PELI1: variants seen among roughly 807,000 people sequenced by gnomAD.
PELI1 encodes E3 ubiquitin-protein ligase pellino homolog 1.
In PELI1, 15 loss-of-function variants were observed where a neutral mutation model predicts 41.3. That is an observed-to-expected ratio of 0.36 (90% CI 0.24 to 0.56). PELI1 has a LOEUF of 0.56. PELI1 is among the 20% of genes least tolerant of loss of function. The pLI is 0.82. For missense variants in PELI1, 403 were observed against 525.5 expected (o/e 0.77, Z 2.28); for synonymous variants, 178 against 180.1 (o/e 0.99, Z 0.09).
chr2:64,133,742 AT>A (rs1681631199), intron 1 of PELI1, among the ~76,000 whole-genome samples: 1 of 152,104 alleles, frequency 6.6e-6, no homozygotes, highest in Non-Finnish European at 1.5e-5. Context: ...TATTTATTCA[AT>A]AAAAAATACA....
chr2:64,122,029 T>C (rs910831464), intron 1 of PELI1, among the ~76,000 whole-genome samples: 8 of 152,186 alleles, frequency 5.3e-5, no homozygotes, highest in Admixed American at 4.6e-4. Context: ...CTACATTTTT[T>C]AAAAAGACAA....
chr2:64,093,073 A>G lies in PELI1; in HGVS notation c.*1629T>C, dbSNP rs550334879. 6 of 152,786 alleles carry G rather than the reference A, an allele frequency of 3.9e-5. No individual in the cohort carries two copies. In the East Asian group the frequency reaches 1.2e-3, roughly 29 times the overall value. The allele number at this position is 152,786 out of a possible 1,614,324, so 9.5% of individuals were successfully genotyped here. On this transcript the variant is annotated 3_prime_UTR_variant, in exon 7 of 7. Transcript: ENST00000358912. The stretch of plus-strand genomic sequence containing the variant: ...CAGCAGTTACTGATACATCACAACT[A>G]ATAAACTTATAATACAAGTTTCCTG...
chr2:64,112,001 A>G (rs1680820563), intron 1 of PELI1, among the ~76,000 whole-genome samples: 1 of 152,142 alleles, frequency 6.6e-6, no homozygotes, highest in Non-Finnish European at 1.5e-5. Context: ...TTAATTTTAA[A>G]TTAAATTTTA....
intron 1 of PELI1, among the ~76,000 whole-genome samples, chr2:64,118,099 G>A (rs963053090): frequency 2.6e-4 from 39 of 152,084 alleles, no homozygotes; most frequent in African/African-American, 8.2e-4. Flanking sequence ...GTGAGCCACC[G>A]TGCCCGGCCC....
chr2:64,113,573 A>G (rs1680894218), intron 1 of PELI1, among the ~76,000 whole-genome samples: 1 of 152,170 alleles, frequency 6.6e-6, no homozygotes, highest in African/African-American at 2.4e-5. Context: ...ACTTTGCTTG[A>G]TACTCGAAAG....
intron 1 of PELI1, among the ~76,000 whole-genome samples, chr2:64,126,594 C>T (rs1167274769): frequency 6.6e-6 from 1 of 152,074 alleles, no homozygotes; most frequent in African/African-American, 2.4e-5. Context: ...AGGTATGCCT[C>T]CCTATACCAA....
chr2:64,099,571 G>T (rs1407769469), intron 4 of PELI1, among the ~76,000 whole-genome samples: 1 of 152,088 alleles, frequency 6.6e-6, no homozygotes, highest in East Asian at 1.9e-4. Context: ...TGGCTTCAAA[G>T]AAATATTTCA....
intron 2 of PELI1, among the ~76,000 whole-genome samples, chr2:64,107,414 G>T (rs925314459): frequency 4.6e-5 from 7 of 152,176 alleles, no homozygotes; most frequent in Admixed American, 1.3e-4. Context: ...AATTACGTTA[G>T]GAGCTAAGAA....
intron 1 of PELI1, among the ~76,000 whole-genome samples, chr2:64,118,033 T>C (rs1447008446): frequency 6.6e-6 from 1 of 152,112 alleles, no homozygotes; most frequent in Non-Finnish European, 1.5e-5. Flanking sequence ...ATGGTCTCGA[T>C]ATCCTGACCT....
intron 1 of PELI1, among the ~76,000 whole-genome samples, chr2:64,122,442 A>T (rs1054998720): frequency 2.0e-5 from 3 of 150,522 alleles, no homozygotes; most frequent in Non-Finnish European, 3.0e-5. Context: ...TTTCTTACGG[A>T]CCTATTTTTC....
intron 4 of PELI1, among the ~76,000 whole-genome samples, chr2:64,099,388 T>C (rs1201306364): frequency 3.9e-5 from 6 of 152,098 alleles, no homozygotes; most frequent in African/African-American, 1.4e-4. Flanking sequence ...ATGTGAAAAA[T>C]CATCCTAAAG....
At chr2:64,122,499 G>A (rs868150187) in intron 1 of PELI1, among the ~76,000 whole-genome samples, 16 of 151,808 alleles carry the variant, frequency 1.1e-4, no homozygotes, top group Middle Eastern at 3.2e-3. Context: ...CTCTGAGAAC[G>A]TCCTGCTTCT....
At chr2:64,111,953 C>G (rs1242499385) in intron 1 of PELI1, among the ~76,000 whole-genome samples, 1 of 152,028 alleles carries the variant, frequency 6.6e-6, no homozygotes, top group Admixed American at 6.5e-5. Context: ...TGACGAAGAA[C>G]AGCAATAATT....
At chr2:64,096,077 C>G in intron 6 of PELI1, 48 bp downstream of exon 6, 1 of 1,294,300 alleles carries the variant, frequency 7.7e-7, no homozygotes, top group Non-Finnish European at 1.1e-6. Flanking sequence ...TTCTACTCAT[C>G]CTATGTGTTT....
Position 64,108,273 on chromosome 2 carries a change from G to C in PELI1, c.38C>G (p.Ala13Gly). 6.2e-7 allele frequency: 1 copy of C among 1,604,824 alleles called. No individual in the cohort carries two copies. Among genetic ancestry groups the C allele is most frequent in the Non-Finnish European group, 8.5e-7 (1 of 1,171,622 alleles). Residue 13 changes from alanine to glycine, a missense_variant, in exon 2 of 7, where the codon GCA becomes GGA. Coordinates refer to ENST00000358912, the MANE Select transcript of PELI1 (RefSeq NM_020651.4). ...SPDQENHPSK[A>G]PVKYGELIVL... is the part of the protein sequence containing the mutation. ...AATGAGTTCACCATATTTTACTGGTGCTTTAGATGGATGATTTTCTTGATC... is the reference window on the plus strand; with the variant it reads ...AATGAGTTCACCATATTTTACTGGTCCTTTAGATGGATGATTTTCTTGATC...
At chr2:64,119,529 C>T (rs956369464) in intron 1 of PELI1, among the ~76,000 whole-genome samples, 5 of 152,210 alleles carry the variant, frequency 3.3e-5, no homozygotes, top group Non-Finnish European at 5.9e-5. Context: ...TTAAGCACCT[C>T]GTAACGTGTG....
At chr2:64,118,863 A>T (rs964534565) in intron 1 of PELI1, among the ~76,000 whole-genome samples, 1 of 152,234 alleles carries the variant, frequency 6.6e-6, no homozygotes, top group African/African-American at 2.4e-5. Context: ...AGCTGTCTAC[A>T]GCTAACTAAA....
In PELI1 at chr2:64,095,327, G is replaced by A; in HGVS notation, c.691-59C>T. 8.8e-6 allele frequency: 11 copies of A among 1,249,412 alleles called. No individual in the cohort carries two copies. In the African/African-American group the frequency reaches 8.9e-5, roughly 10 times the overall value. 77.4% of individuals were successfully genotyped at this position (1,249,412 alleles called of 1,614,324 possible). ...CACTCTGTTTTGGATTTTTACATAAGTGTTTTGGTTTTAAGTACTCCTTAC... is the reference window on the plus strand; with the variant it reads ...CACTCTGTTTTGGATTTTTACATAAATGTTTTGGTTTTAAGTACTCCTTAC... On this transcript the variant is annotated intron_variant, in intron 6 of 6. Coordinates refer to ENST00000358912, the MANE Select transcript of PELI1 (RefSeq NM_020651.4).
chr2:64,104,836 G>C lies in PELI1; in HGVS notation c.72-6C>G. 1 of 1,603,342 alleles carries C rather than the reference G, an allele frequency of 6.2e-7. No individual in the cohort carries two copies. The highest frequency in any genetic ancestry group is 8.5e-7 in the Non-Finnish European group (1 of 1,176,140). The stretch of plus-strand genomic sequence containing the variant: ...TTGGGAGAGACCCATTATACCTGAT[G>C]GGGGAAAAAAAGTATAGGTGATCTC... On this transcript the variant is annotated splice_region_variant and splice_polypyrimidine_tract_variant and intron_variant, in intron 2 of 6. Transcript: ENST00000358912.
Sources: allele counts gnomAD v4.1 joint callset (sites outside exome capture counted in the v4.1 genomes callset), GRCh38; gene constraint gnomAD v4.1.1; transcripts MANE v1.5; gene names NCBI Gene and HGNC (gene_info 2026-07-23, HGNC 2026-07-21).